VGLL3: variants seen among roughly 807,000 people sequenced by gnomAD.
VGLL3 encodes vestigial like family member 3.
Under a neutral mutation model 29.2 loss-of-function variants are expected in VGLL3, and 18 were observed. The ratio of observed to expected loss-of-function variants is 0.62; its 90% confidence interval spans 0.43 to 0.91. The LOEUF is 0.91. Ranked by LOEUF, VGLL3 falls within the 40% of genes least tolerant of loss-of-function variation. The pLI is 0.00. For synonymous variants in VGLL3, 180 were observed against 151.8 expected (o/e 1.19, Z -1.36); for missense variants, 440 against 413.2 (o/e 1.06, Z -0.56).
At chr3:86,955,380 C>CTTTTTT (rs67190879) in intron 3 of VGLL3, among the ~76,000 whole-genome samples, 4 of 131,706 alleles carry the variant, frequency 3.0e-5, no homozygotes, top group Non-Finnish European at 4.8e-5. Context: ...CTCTCTCTCT[C>CTTTTTT]TTTTTTTTTT....
intron 3 of VGLL3, among the ~76,000 whole-genome samples, chr3:86,956,792 CAAAA>C (rs55781336): frequency 1.3e-4 from 12 of 90,844 alleles, no homozygotes; most frequent in Admixed American, 4.2e-4. Context: ...CCCACCGTCC[CAAAA>C]AAAAAAAAAA....
intron 3 of VGLL3, among the ~76,000 whole-genome samples, chr3:86,965,143 C>A (rs1704932488): frequency 6.6e-6 from 1 of 150,950 alleles, no homozygotes; most frequent in South Asian, 2.1e-4. Flanking sequence ...GGCAACAGAG[C>A]CAGACTCCAT....
chr3:86,949,714 C>T (rs1241226743), intron 3 of VGLL3, among the ~76,000 whole-genome samples: 2 of 151,430 alleles, frequency 1.3e-5, no homozygotes, highest in Admixed American at 6.6e-5. Flanking sequence ...GTAGTCCCAG[C>T]TACTCGGGAG....
rs910785845 is a variant in VGLL3 at position 86,944,167 on chromosome 3, A to G, written c.*2857T>C. ...GGTCCTAGAAGACAATTATAGAGAC[A>G]TGCTCATTCTCTTTCTATGTATATT... is the stretch of plus-strand genomic sequence containing the variant. On this transcript the variant is annotated 3_prime_UTR_variant, in exon 4 of 4. Transcript: ENST00000398399. 3.3e-5 allele frequency: 5 copies of G among 152,164 alleles called. No individual in the cohort carries two copies. Among genetic ancestry groups the G allele is most frequent in the Non-Finnish European group, 7.3e-5 (5 of 68,028 alleles). The allele number at this position is 152,164 out of a possible 1,614,324, so 9.4% of individuals were successfully genotyped here. A position where few individuals can be genotyped will look rare whatever the true frequency, so the allele number is the denominator to read the frequency against.
chr3:86,965,358 C>A (rs767601791), intron 3 of VGLL3, among the ~76,000 whole-genome samples: 1 of 152,124 alleles, frequency 6.6e-6, no homozygotes, highest in Admixed American at 6.5e-5. Flanking sequence ...AATATCGATG[C>A]TGAGTTTTCA....
rs370575897 is a variant in VGLL3, at chr3:86,990,447, C to T, written c.126+171G>A. On this transcript the variant is annotated intron_variant, in intron 1 of 3. Transcript: ENST00000398399. ...ATGCCTCACCCACCCGTCCACCCTG[C>T]TGCTCTCCCTTCCCGGCTCTCTCGG... 3.5e-5 allele frequency: 34 copies of T among 977,276 alleles called. No individual in the cohort carries two copies. The East Asian group carries it at 3.6e-3, about 102-fold the overall frequency. The allele number at this position is 977,276 out of a possible 1,614,324, so 60.5% of individuals were successfully genotyped here.
intron 3 of VGLL3, among the ~76,000 whole-genome samples, chr3:86,963,267 T>G (rs1282595872): frequency 6.6e-6 from 1 of 152,140 alleles, no homozygotes; most frequent in Non-Finnish European, 1.5e-5. Flanking sequence ...CAAAAAAGAA[T>G]GACTTTATGA....
chr3:86,980,636 T>C (rs1268364323), intron 1 of VGLL3, among the ~76,000 whole-genome samples: 2 of 152,120 alleles, frequency 1.3e-5, no homozygotes, highest in Non-Finnish European at 2.9e-5. Context: ...ATGTGTAAAA[T>C]GAGGGAATCG....
chr3:86,953,662 A>G (rs1265232803), intron 3 of VGLL3, among the ~76,000 whole-genome samples: 1 of 152,052 alleles, frequency 6.6e-6, no homozygotes, highest in Admixed American at 6.6e-5. Context: ...AGTTTCTTTC[A>G]CTGTTAGTGA....
At chr3:86,978,418 A>C (rs1705252530) in intron 2 of VGLL3, 108 bp downstream of exon 2, 2 of 1,274,512 alleles carry the variant, frequency 1.6e-6, no homozygotes, top group East Asian at 4.6e-5. Context: ...AAATATTAAA[A>C]AGCAAGTGGA....
At chr3:86,954,135 G>C (rs148112749) in intron 3 of VGLL3, among the ~76,000 whole-genome samples, 6 of 152,288 alleles carry the variant, frequency 3.9e-5, no homozygotes, top group South Asian at 2.1e-4. Flanking sequence ...TAGTAGTATT[G>C]TCAGAAACAA....
intron 2 of VGLL3, among the ~76,000 whole-genome samples, chr3:86,977,272 G>C (rs1310607041): frequency 2.0e-5 from 3 of 152,092 alleles, no homozygotes; most frequent in African/African-American, 7.2e-5. Flanking sequence ...GGTAAGAAGG[G>C]AGGGAGGGAG....
chr3:86,988,640 C>CA lies in VGLL3; in HGVS notation c.126+1977dup, dbSNP rs869098443. Among the ~76,000 whole-genome samples, 4 of 13,770 alleles carry CA rather than the reference C, an allele frequency of 2.9e-4. 1 individual carries two copies. Among genetic ancestry groups the CA allele is most frequent in the Non-Finnish European group, 5.8e-4 (2 of 3,474 alleles). The allele number at this position is 13,770 out of a possible 152,430, so 9.0% of individuals were successfully genotyped here. The stretch of plus-strand genomic sequence containing the variant: ...TGGTCAAACAGTTTCTTTACTTGAC[C>CA]AAAAAAAAAAAAAAAAAAAAAAAAA... On this transcript the variant is annotated intron_variant, in intron 1 of 3. Transcript: ENST00000398399.
rs1022337721 is a variant in VGLL3, at chr3:86,940,800, T to A, written c.*6224A>T. On this transcript the variant is annotated 3_prime_UTR_variant, in exon 4 of 4. Coordinates refer to ENST00000398399, the MANE Select transcript of VGLL3 (RefSeq NM_016206.4). ...CCAACCCCACAAAAACAGAAAAAAA[T>A]ATATAATTTTATAATTATCTTATAA... 2 of 151,492 alleles carry A rather than the reference T, an allele frequency of 1.3e-5. No individual in the cohort carries two copies. The highest frequency in any genetic ancestry group is 3.0e-5 in the Non-Finnish European group (2 of 67,688). The allele number at this position is 151,492 out of a possible 1,614,324, so 9.4% of individuals were successfully genotyped here.
chr3:86,946,996 G>T lies in VGLL3; in HGVS notation c.*28C>A, dbSNP rs758835980. On this transcript the variant is annotated 3_prime_UTR_variant, in exon 4 of 4. Coordinates refer to ENST00000398399, the MANE Select transcript of VGLL3 (RefSeq NM_016206.4). ...CCCAGTGGGCCCTTGGATTTATGCT[G>T]CAACTTAACTCACTAAGATTGTGTG... is the stretch of plus-strand genomic sequence containing the variant. The T allele has an allele frequency of 1.0e-5, 8 of 778,548 alleles. No individual in the cohort carries two copies. Among genetic ancestry groups the T allele is most frequent in the Admixed American group, 1.7e-5 (1 of 58,752 alleles). The allele number at this position is 778,548 out of a possible 1,614,324, so 48.2% of individuals were successfully genotyped here.
At chr3:86,988,706 A>AG in intron 1 of VGLL3, among the ~76,000 whole-genome samples, 1 of 19,808 alleles carries the variant, frequency 5.0e-5, no homozygotes, top group Admixed American at 5.9e-4. Context: ...AAGGAGAAGA[A>AG]AAAGAAGAAA....
intron 1 of VGLL3, among the ~76,000 whole-genome samples, chr3:86,980,489 A>G (rs1705301647): frequency 1.3e-5 from 2 of 152,118 alleles, no homozygotes; most frequent in Admixed American, 6.6e-5. Flanking sequence ...TGATGAATAG[A>G]TAATTCATAC....
At chr3:86,963,868 G>A (rs72916069) in intron 3 of VGLL3, among the ~76,000 whole-genome samples, 12,414 of 152,170 alleles carry the variant, frequency 0.082, 1,346 homozygotes, top group African/African-American at 0.24. Flanking sequence ...AGCTCATGCC[G>A]TCCACTAACT....
rs1011274452 is a variant in VGLL3 at position 86,939,360 on chromosome 3, C to T, written c.*7664G>A. The T allele has an allele frequency of 6.6e-6, 1 of 152,392 alleles. No individual in the cohort carries two copies. Among genetic ancestry groups the T allele is most frequent in the African/African-American group, 2.4e-5 (1 of 41,578 alleles). The allele number at this position is 152,392 out of a possible 1,614,324, so 9.4% of individuals were successfully genotyped here. ...AAGAACCTTGAGCATGGCGCAATGG[C>T]TTATGCCTGTAATCCCAACACTTTG... On this transcript the variant is annotated 3_prime_UTR_variant, in exon 4 of 4. Transcript: ENST00000398399.
Sources: allele counts gnomAD v4.1 joint callset (sites outside exome capture counted in the v4.1 genomes callset), GRCh38; gene constraint gnomAD v4.1.1; transcripts MANE v1.5; gene names NCBI Gene and HGNC (gene_info 2026-07-23, HGNC 2026-07-21).